Variants in PFKP observed in about 807,000 individuals in gnomAD.
PFKP encodes ATP-dependent 6-phosphofructokinase, platelet type.
A neutral mutation model predicts 94.3 loss-of-function variants in PFKP; 101 were observed. The observed-to-expected ratio is 1.07, with a 90% CI of 0.91 to 1.26. The LOEUF is 1.26. PFKP is among the 50% of genes most tolerant of loss of function. PFKP has a pLI of 0.00. For missense variants in PFKP, 1,145 were observed against 1,103.3 expected (o/e 1.04, Z -0.53); for synonymous variants, 573 against 432.6 (o/e 1.32, Z -4.03).
intron 1 of PFKP, among the ~76,000 whole-genome samples, chr10:3,074,837 G>A (rs539617298): frequency 4.6e-5 from 7 of 152,220 alleles, no homozygotes; most frequent in South Asian, 4.2e-4. Flanking sequence ...CAGCTCAGTC[G>A]GGGAGACCGT....
intron 1 of PFKP, among the ~76,000 whole-genome samples, chr10:3,079,590 T>TCCTAAAATCCCC (rs946614898): frequency 1.3e-5 from 2 of 148,678 alleles, no homozygotes; most frequent in Admixed American, 1.4e-4. Context: ...ACTTAACATT[T>TCCTAAAATCCCC]CCTAAAATCC....
Position 3,116,803 on chromosome 10 carries a change from G to T in PFKP, c.1399G>T (p.Gly467Trp). ...QIKEIGWTDV[G>W]GWTGQGGSIL... The stretch of plus-strand genomic sequence containing the variant: ...CAAAGAAATCGGCTGGACAGATGTC[G>T]GGGGCTGGACCGGCCAAGGAGGCTC... Residue 467 changes from glycine to tryptophan, a missense_variant, in exon 14 of 22, where the codon GGG (glycine) becomes TGG (tryptophan). Transcript: ENST00000381125. 6.2e-7 allele frequency: 1 copy of T among 1,613,592 alleles called. No homozygotes were observed.
chr10:3,133,845 A>AT (rs796091071), intron 19 of PFKP, among the ~76,000 whole-genome samples: 5 of 152,322 alleles, frequency 3.3e-5, no homozygotes, highest in African/African-American at 9.6e-5. Context: ...GAAAACAGTG[A>AT]TACCCCCATT....
intron 1 of PFKP, among the ~76,000 whole-genome samples, chr10:3,079,060 G>A (rs985224543): frequency 3.9e-5 from 6 of 152,188 alleles, no homozygotes; most frequent in African/African-American, 1.2e-4. Context: ...GGGGTGCTGC[G>A]GCCGCTGATG....
At chr10:3,093,184 G>C (rs1349510193) in intron 2 of PFKP, among the ~76,000 whole-genome samples, 1 of 149,980 alleles carries the variant, frequency 6.7e-6, no homozygotes, top group Non-Finnish European at 1.5e-5. Context: ...TTCTGGGACT[G>C]TGTCTGATTT....
In PFKP at chr10:3,119,990, G is replaced by T. The variant is rs142710062; in HGVS notation, c.1629G>T (p.Val543=). ...VMVPATVSNN[V]PGSDFSIGAD... ...TTCCCGCTACTGTGTCCAACAATGTGCCGGGTTCCGATTTCAGCATCGGGG... is the reference window on the plus strand; with the variant it reads ...TTCCCGCTACTGTGTCCAACAATGTTCCGGGTTCCGATTTCAGCATCGGGG... The change falls in exon 16 of 22, where the codon GTG becomes GTT. Residue 543 remains valine, a synonymous_variant. Transcript: ENST00000381125. 6.2e-7 allele frequency: 1 copy of T among 1,614,114 alleles called. No individual in the cohort carries two copies. The highest frequency in any genetic ancestry group is 8.5e-7 in the Non-Finnish European group (1 of 1,179,992).
intron 14 of PFKP, among the ~76,000 whole-genome samples, chr10:3,117,058 G>T (rs2306307): frequency 0.36 from 54,283 of 152,008 alleles, 10,004 homozygotes; most frequent in Non-Finnish European, 0.4. Context: ...GAGAAGAGGA[G>T]GTAACTTGTG....
intron 17 of PFKP, among the ~76,000 whole-genome samples, chr10:3,130,860 T>C (rs534026998): frequency 2.0e-5 from 3 of 152,300 alleles, no homozygotes; most frequent in Admixed American, 1.3e-4. Context: ...CCCAGCACCA[T>C]TGTCTTTTAA....
rs369951069 is a variant in PFKP, at chr10:3,105,351, G to C, written c.666-42G>C. The C allele has an allele frequency of 7.1e-5, 109 of 1,533,528 alleles. 1 individual carries two copies. Among genetic ancestry groups the C allele is most frequent in the Middle Eastern group, 1.8e-4 (1 of 5,420 alleles). The allele number at this position is 1,533,528 out of a possible 1,614,324, so 95.0% of individuals were successfully genotyped here. ...GGTGCCTGGGCTGCCCTCGTGGGAA[G>C]GATCCTTCTGGGGTGTTGATGCTGT... is the stretch of plus-strand genomic sequence containing the variant. On this transcript the variant is annotated intron_variant, in intron 6 of 21. Transcript: ENST00000381125.
intron 1 of PFKP, chr10:3,068,710 A>T: frequency 1.0e-6 from 1 of 984,484 alleles, no homozygotes; most frequent in Non-Finnish European, 1.2e-6. Flanking sequence ...TGCCCGGATG[A>T]TGGAGTGTCC....
At chr10:3,087,927 C>A (rs1002330456) in intron 2 of PFKP, among the ~76,000 whole-genome samples, 4 of 150,248 alleles carry the variant, frequency 2.7e-5, no homozygotes, top group African/African-American at 7.4e-5. Flanking sequence ...AATGTTGAAT[C>A]CATTTATGGT....
chr10:3,105,372 G>C, intron 6 of PFKP, 21 bp from the exon 7 acceptor site: 1 of 1,590,850 alleles, frequency 6.3e-7, no homozygotes, highest in Non-Finnish European at 8.6e-7. Flanking sequence ...GGGTGTTGAT[G>C]CTGTTGCCTT....
At chr10:3,072,189 C>T (rs756779792) in intron 1 of PFKP, among the ~76,000 whole-genome samples, 7 of 152,238 alleles carry the variant, frequency 4.6e-5, no homozygotes, top group Admixed American at 3.3e-4. Flanking sequence ...TTAAAAGTAT[C>T]CAATATCCTC....
At position 3,118,813 on chromosome 10, in the gene PFKP, G is replaced by T; in HGVS notation, c.1474G>T (p.Ala492Ser). ...VLPGKYLEEI[A>S]TQMRTHSINA... is the part of the protein sequence containing the mutation. ...CCCGGGGAAGTACTTGGAAGAGATCGCCACACAGATGCGCACGCACAGCAT... is the reference window on the plus strand; with the variant it reads ...CCCGGGGAAGTACTTGGAAGAGATCTCCACACAGATGCGCACGCACAGCAT... The change falls in exon 15 of 22, where the codon GCC (alanine) becomes TCC (serine). Residue 492 changes from alanine (A) to serine (S), a missense_variant. Transcript: ENST00000381125. 1 of 1,613,674 alleles carries T rather than the reference G, an allele frequency of 6.2e-7. No homozygotes were observed. Among genetic ancestry groups the T allele is most frequent in the African/African-American group, 1.3e-5 (1 of 75,050 alleles).
rs1564350560 is a variant in PFKP, at chr10:3,128,629, T to TTGTTCCCTGGCGCCTCCTC, written c.1684-1190_1684-1189insTGTTCCCTGGCGCCTCCTC. Among the ~76,000 whole-genome samples the TTGTTCCCTGGCGCCTCCTC allele has an allele frequency of 1.8e-3, 278 of 152,304 alleles. 1 individual carries two copies. The highest frequency in any genetic ancestry group is 6.0e-3 in the African/African-American group (248 of 41,570). Reference sequence around the variant, plus strand: ...GCCTTGCACGCCTTGTACGCCTTGTTCCCTGGCGCCTCCTCCTTCCATGTG... The same window carrying TTGTTCCCTGGCGCCTCCTC: ...GCCTTGCACGCCTTGTACGCCTTGTTTGTTCCCTGGCGCCTCCTCCCCTGGCGCCTCCTCCTTCCATGTG... On this transcript the variant is annotated intron_variant, in intron 16 of 21. Coordinates refer to ENST00000381125, the MANE Select transcript of PFKP (RefSeq NM_002627.5).
chr10:3,126,454 A>T lies in PFKP; in HGVS notation c.1684-3365A>T, dbSNP rs756993119. ...TTCACTCTCCTTTAGCACCTTGTAG[A>T]TGTCCATGCACACTTCCACCCTCGC... is the stretch of plus-strand genomic sequence containing the variant. On this transcript the variant is annotated intron_variant, in intron 16 of 21. Transcript: ENST00000381125. 2.0e-5 allele frequency among the ~76,000 whole-genome samples: 3 copies of T among 152,154 alleles called. 1 individual carries two copies. Among genetic ancestry groups the T allele is most frequent in the East Asian group, 1.9e-4 (1 of 5,180 alleles).
In PFKP at chr10:3,120,395, G is replaced by GTGTGTGTGTGTGTGTGTGTA. The variant is rs778180191; in HGVS notation, c.1683+355_1683+356insTGTGTGTGTGTGTGTATGTG. On this transcript the variant is annotated intron_variant, in intron 16 of 21. Transcript: ENST00000381125. ...TGTGTGTGTGTGTGTGTGTGTGTGT[G>GTGTGTGTGTGTGTGTGTGTA]TGTGCTGAGCCTAAATTTTCTTTGA... 4.0e-4 allele frequency among the ~76,000 whole-genome samples: 56 copies of GTGTGTGTGTGTGTGTGTGTA among 140,312 alleles called. No individual in the cohort carries two copies. In the East Asian group the frequency reaches 9.7e-3, roughly 24 times the overall value. The allele number at this position is 140,312 out of a possible 152,430, so 92.1% of individuals were successfully genotyped here.
In PFKP at chr10:3,136,583, A is replaced by T; in HGVS notation, c.*4A>T. On this transcript the variant is annotated 3_prime_UTR_variant, in exon 22 of 22. Coordinates refer to ENST00000381125, the MANE Select transcript of PFKP (RefSeq NM_002627.5). Reference sequence around the variant, plus strand: ...TGTGCAGCCCTGGAGTGTCTGACCCAGTCCCGCCTGCATGTGCCTGCAGCC... The same window carrying T: ...TGTGCAGCCCTGGAGTGTCTGACCCTGTCCCGCCTGCATGTGCCTGCAGCC... The T allele has an allele frequency of 1.2e-6, 2 of 1,612,760 alleles. No homozygotes were observed. Among genetic ancestry groups the T allele is most frequent in the Non-Finnish European group, 1.7e-6 (2 of 1,179,294 alleles).
intron 2 of PFKP, among the ~76,000 whole-genome samples, chr10:3,096,144 G>C (rs1834459349): frequency 6.6e-6 from 1 of 152,214 alleles, no homozygotes; most frequent in African/African-American, 2.4e-5. Context: ...TGCAGGGAAA[G>C]GAAATTGTAT....
Sources: allele counts gnomAD v4.1 joint callset (sites outside exome capture counted in the v4.1 genomes callset), GRCh38; gene constraint gnomAD v4.1.1; transcripts MANE v1.5; gene names NCBI Gene and HGNC (gene_info 2026-07-23, HGNC 2026-07-21).